The following TMEM167A variants were observed in gnomAD, a reference collection of about 807,000 sequenced individuals.
TMEM167A encodes protein kish-A.
TMEM167A carries 8 observed loss-of-function variants against 11.6 expected under a neutral mutation model. The observed-to-expected ratio is 0.69, with a 90% confidence interval of 0.40 to 1.24. The LOEUF (loss-of-function observed/expected upper bound fraction) is 1.24, where lower values mean the gene tolerates loss of function less well. Ranked by LOEUF, TMEM167A falls within the 50% of genes most tolerant of loss-of-function variation. The pLI is 0.01. For missense variants in TMEM167A, 62 were observed against 87.0 expected, an observed-to-expected ratio of 0.71 and a Z score of 1.14; for synonymous variants, 22 against 28.0, an observed-to-expected ratio of 0.79 and a Z score of 0.67.
chr5:83,065,828 G>A (rs2112244199), intron 1 of TMEM167A, among the ~76,000 whole-genome samples: 1 of 152,202 alleles, frequency 6.6e-6, no homozygotes, highest in South Asian at 2.1e-4. Context: ...GAAACCATAA[G>A]TTTCATAAGT....
chr5:83,061,780 CCTTTAAAAATTAA>C, intron 3 of TMEM167A, 84 bp downstream of exon 3: 1 of 1,179,270 alleles, frequency 8.5e-7, no homozygotes, highest in East Asian at 2.4e-5. Context: ...GGAAGCCTGC[CCTTTAAAAATTAA>C]CATTTGACTT....
intron 2 of TMEM167A, among the ~76,000 whole-genome samples, chr5:83,063,570 T>C (rs562549993): frequency 3.5e-4 from 54 of 152,162 alleles, no homozygotes; most frequent in African/African-American, 1.3e-3. Context: ...AGGATTAACA[T>C]ATTAACAGCT....
At chr5:83,075,490 T>A (rs575427917) in intron 1 of TMEM167A, among the ~76,000 whole-genome samples, 1 of 152,312 alleles carries the variant, frequency 6.6e-6, no homozygotes, top group Non-Finnish European at 1.5e-5. Context: ...CTCACGCCTG[T>A]AATCCCAGCA....
intron 3 of TMEM167A, among the ~76,000 whole-genome samples, chr5:83,061,497 C>T (rs1001129045): frequency 6.6e-6 from 1 of 152,152 alleles, no homozygotes; most frequent in East Asian, 1.9e-4. Context: ...CAACCTTCGC[C>T]TCTCGGGTTC....
chr5:83,074,612 A>C (rs558663986), intron 1 of TMEM167A, among the ~76,000 whole-genome samples: 12 of 152,308 alleles, frequency 7.9e-5, no homozygotes, highest in African/African-American at 2.9e-4. Flanking sequence ...ACTGGAAATG[A>C]TTCTAACTCT....
intron 3 of TMEM167A, among the ~76,000 whole-genome samples, chr5:83,061,395 C>T (rs781111848): frequency 9.9e-5 from 15 of 151,548 alleles, no homozygotes; most frequent in Admixed American, 9.9e-4. Flanking sequence ...AATGAAGTAG[C>T]CACCAAATCT....
At chr5:83,076,814 C>T (rs988044931) in intron 1 of TMEM167A, among the ~76,000 whole-genome samples, 1 of 152,314 alleles carries the variant, frequency 6.6e-6, no homozygotes, top group South Asian at 2.1e-4. Flanking sequence ...AAACCTATAG[C>T]TTGTAAAGCA....
chr5:83,061,853 T>TGGAG, intron 3 of TMEM167A, 24 bp downstream of exon 3: 1 of 1,598,734 alleles, frequency 6.3e-7, no homozygotes, highest in Non-Finnish European at 8.6e-7. Flanking sequence ...GCTGAAGAAA[T>TGGAG]GGAGGGAGAT....
chr5:83,063,884 G>T (rs1330223355), intron 2 of TMEM167A, among the ~76,000 whole-genome samples: 2 of 148,324 alleles, frequency 1.3e-5, no homozygotes, highest in Admixed American at 1.3e-4. Flanking sequence ...ATTTGAAGTA[G>T]CAAAAACTGA....
Position 83,052,921 on chromosome 5 carries a change from T to C in TMEM167A, c.*4163A>G, listed in dbSNP as rs527813894. 1 of 152,074 alleles carries C rather than the reference T, an allele frequency of 6.6e-6. No individual in the cohort carries two copies. Among genetic ancestry groups the C allele is most frequent in the Non-Finnish European group, 1.5e-5 (1 of 67,916 alleles). 9.4% of individuals were successfully genotyped at this position (152,074 alleles called of 1,614,324 possible). A position where few individuals can be genotyped will look rare whatever the true frequency, so the allele number is the denominator to read the frequency against. ...CAGAGATGTGCATGATTCTCTGTAC[T>C]CTTAAAATCACAGGAAATATAATTC... On this transcript the variant is annotated 3_prime_UTR_variant, in exon 4 of 4. Transcript: ENST00000502346.
At position 83,065,128 on chromosome 5, in the gene TMEM167A, A is replaced by G. The variant is rs1369702455; in HGVS notation, c.4-11T>C. On this transcript the variant is annotated splice_polypyrimidine_tract_variant and intron_variant, in intron 1 of 3. Transcript: ENST00000502346. ...ATTGAAAATGGCAGACTAAAAAGAA[A>G]AAAAAAAAAGAAAAATTAATATCAA... The G allele has an allele frequency of 6.7e-7, 1 of 1,503,350 alleles. No individual in the cohort carries two copies. Among genetic ancestry groups the G allele is most frequent in the Non-Finnish European group, 9.0e-7 (1 of 1,108,852 alleles). 93.1% of individuals were successfully genotyped at this position (1,503,350 alleles called of 1,614,324 possible). A position where few individuals can be genotyped will look rare whatever the true frequency, so the allele number is the denominator to read the frequency against.
chr5:83,076,423 GAGT>G (rs1744664692), intron 1 of TMEM167A, among the ~76,000 whole-genome samples: 1 of 152,198 alleles, frequency 6.6e-6, no homozygotes. Context: ...CTTGCACTAC[GAGT>G]AGAAGAATTC....
At chr5:83,066,084 A>T (rs920578285) in intron 1 of TMEM167A, among the ~76,000 whole-genome samples, 1 of 152,198 alleles carries the variant, frequency 6.6e-6, no homozygotes, top group African/African-American at 2.4e-5. Flanking sequence ...CTCCAGCACC[A>T]ATCATATGCC....
intron 2 of TMEM167A, among the ~76,000 whole-genome samples, chr5:83,062,684 A>G (rs950345994): frequency 6.6e-6 from 1 of 152,104 alleles, no homozygotes; most frequent in African/African-American, 2.4e-5. Flanking sequence ...GATATCTTAA[A>G]AAATAACACT....
intron 1 of TMEM167A, among the ~76,000 whole-genome samples, chr5:83,073,721 G>C (rs113694380): frequency 2.5e-3 from 384 of 152,274 alleles, no homozygotes; most frequent in African/African-American, 8.5e-3. Flanking sequence ...ATGCAGACAT[G>C]GGAAGAACAG....
At chr5:83,058,542 C>T (rs952276056) in intron 3 of TMEM167A, among the ~76,000 whole-genome samples, 1 of 151,918 alleles carries the variant, frequency 6.6e-6, no homozygotes, top group Non-Finnish European at 1.5e-5. Context: ...AGTCACCAAA[C>T]AAAACAAAAA....
chr5:83,058,351 G>GA (rs1191818113), intron 3 of TMEM167A, among the ~76,000 whole-genome samples: 1 of 151,922 alleles, frequency 6.6e-6, no homozygotes. Context: ...GGGTTTTTCT[G>GA]AAAGTATTTG....
At chr5:83,076,549 C>T (rs1744668374) in intron 1 of TMEM167A, among the ~76,000 whole-genome samples, 1 of 152,200 alleles carries the variant, frequency 6.6e-6, no homozygotes, top group Non-Finnish European at 1.5e-5. Context: ...TGAATTATTG[C>T]TATATGGGAT....
At chr5:83,068,082 T>C (rs112731905) in intron 1 of TMEM167A, among the ~76,000 whole-genome samples, 398 of 152,270 alleles carry the variant, frequency 2.6e-3, no homozygotes, top group African/African-American at 8.9e-3. Context: ...ATAAAAAGCA[T>C]GGTATCTCAC....
Sources: gnomAD v4.1 joint callset for allele counts (sites outside exome capture counted in the v4.1 genomes callset) on GRCh38, gnomAD v4.1.1 for gene constraint, MANE v1.5 for transcripts, NCBI Gene and HGNC (gene_info 2026-07-23, HGNC 2026-07-21) for gene names.